CCDC180: variants seen among roughly 807,000 people sequenced by gnomAD.
The protein encoded by CCDC180 is coiled-coil domain containing 180.
In CCDC180, 154 loss-of-function variants were observed where a neutral mutation model predicts 209.2. The ratio of observed to expected loss-of-function variants is 0.74; its 90% CI spans 0.65 to 0.84. The LOEUF (loss-of-function observed/expected upper bound fraction) is 0.84, where lower values mean the gene tolerates loss of function less well. CCDC180 is among the 40% of genes least tolerant of loss of function. The probability of loss-of-function intolerance (pLI) is 0.00; values close to 1 mark genes in which losing one functional copy is unlikely to be tolerated. For missense variants in CCDC180, 1,874 were observed against 1,997.3 expected (o/e 0.94, Z 1.18); for synonymous variants, 778 against 749.1 (o/e 1.04, Z -0.63).
rs770613515 is a variant in CCDC180, at chr9:97,370,655, GA to G, written c.4367del (p.Lys1456SerfsTer4). ...TTTGATTAAAGGACAAAAATGCCCA[GA>G]AGCTCCATCTAAATCTTGGACACCC... Reference protein sequence around the residue: ...LEKRKDKNAQKLHLNLGHPVH... With the variant: ...LEKRKDKNAQXLHLNLGHPVH... On this transcript the variant is annotated frameshift_variant, in exon 33 of 37. Coordinates refer to ENST00000529487, the MANE Select transcript of CCDC180 (RefSeq NM_020893.6). LOFTEE classifies it high-confidence loss of function. The G allele has an allele frequency of 3.1e-6, 5 of 1,613,664 alleles. No homozygotes were observed. The Admixed American group carries it at 8.3e-5, about 27-fold the overall frequency.
intron 10 of CCDC180, among the ~76,000 whole-genome samples, chr9:97,319,577 G>C (rs1449081265): frequency 6.6e-6 from 1 of 152,132 alleles, no homozygotes. Flanking sequence ...AGAAGCTGTG[G>C]TATTTGGTTT....
chr9:97,366,627 C>T lies in CCDC180; in HGVS notation c.4116C>T (p.Cys1372=), dbSNP rs575555258. The T allele has an allele frequency of 6.9e-5, 111 of 1,614,154 alleles. No individual in the cohort carries two copies. Among genetic ancestry groups the T allele is most frequent in the South Asian group, 5.9e-4 (54 of 91,090 alleles). The change falls in exon 31 of 37, where the codon TGC becomes TGT. Residue 1372 remains cysteine, a synonymous_variant. Coordinates refer to ENST00000529487, the MANE Select transcript of CCDC180 (RefSeq NM_020893.6). The surrounding 1 kb of genome is among the most constrained non-coding windows in gnomAD (Gnocchi z 4.3). ...GCATGTGTGACACCTTTGACCAGTG[C>T]GCCGAGAACATTAGCAAAAAGATCC... The part of the protein sequence containing the change: ...PDCMCDTFDQ[C]AENISKKILE...
At chr9:97,343,296 C>A (rs1246483659) in intron 18 of CCDC180, 44 bp from the exon 19 acceptor site, 1 of 1,303,248 alleles carries the variant, frequency 7.7e-7, no homozygotes, top group South Asian at 1.2e-5. Flanking sequence ...TTCCCAAGTC[C>A]ATTTGATGAT....
chr9:97,370,846 A>G (rs1286960464), intron 33 of CCDC180, 68 bp downstream of exon 33: 3 of 1,539,092 alleles, frequency 1.9e-6, no homozygotes, highest in Non-Finnish European at 2.7e-6. Context: ...AGCCACTGAC[A>G]GTGCCAGGTG....
At chr9:97,314,249 T>TA (rs776404578) in intron 5 of CCDC180, 144 bp from the exon 6 acceptor site, 19 of 875,504 alleles carry the variant, frequency 2.2e-5, no homozygotes, top group Middle Eastern at 6.8e-4. Flanking sequence ...GTGAGCTGAG[T>TA]AGTGAGCCTC....
At chr9:97,334,826 A>G (rs1272547025) in intron 18 of CCDC180, among the ~76,000 whole-genome samples, 1 of 152,152 alleles carries the variant, frequency 6.6e-6, no homozygotes, top group Non-Finnish European at 1.5e-5. Context: ...CCACCAAGAA[A>G]GTTTCAAAGG....
rs553450844 is a variant in CCDC180, at chr9:97,326,188, G to T, written c.1546-366G>T. Among the ~76,000 whole-genome samples, 22 of 152,308 alleles carry T rather than the reference G, an allele frequency of 1.4e-4. No individual in the cohort carries two copies. The South Asian group carries it at 4.6e-3, about 32-fold the overall frequency. ...TGCTCTCACACAGTCCAGGAGGTGG[G>T]GGAACAAACTCAGCTTCTGATTTCA... On this transcript the variant is annotated intron_variant, in intron 14 of 36. Coordinates refer to ENST00000529487, the MANE Select transcript of CCDC180 (RefSeq NM_020893.6).
chr9:97,321,120 A>G (rs73559871), intron 11 of CCDC180, among the ~76,000 whole-genome samples: 1 of 152,158 alleles, frequency 6.6e-6, no homozygotes, highest in Non-Finnish European at 1.5e-5. Context: ...ATTTTGCCGA[A>G]CTGTAGGCTA....
chr9:97,371,696 C>T lies in CCDC180; in HGVS notation c.4590C>T (p.Val1530=). Residue 1530 remains valine, a synonymous_variant, in exon 34 of 37, where the codon GTC becomes GTT. Coordinates refer to ENST00000529487, the MANE Select transcript of CCDC180 (RefSeq NM_020893.6). ...ATGAGGTGGTCACCATTGACGATGT[C>T]CAGGTTGCAAGTAAGAGGCACCACC... is the stretch of plus-strand genomic sequence containing the variant. ...QLDEVVTIDD[V]QVARMEPPKQ... The T allele has an allele frequency of 1.9e-6, 3 of 1,591,640 alleles. No homozygotes were observed. The highest frequency in any genetic ancestry group is 1.7e-6 in the Non-Finnish European group (2 of 1,162,062).
At chr9:97,332,105 C>A (rs559028585) in intron 18 of CCDC180, among the ~76,000 whole-genome samples, 2 of 152,248 alleles carry the variant, frequency 1.3e-5, no homozygotes, top group Admixed American at 1.3e-4. Flanking sequence ...CAGTTTCAAT[C>A]TTCTGCATAT....
At chr9:97,342,998 A>G (rs182762705) in intron 18 of CCDC180, among the ~76,000 whole-genome samples, 1 of 152,358 alleles carries the variant, frequency 6.6e-6, no homozygotes, top group Admixed American at 6.5e-5. Flanking sequence ...GCCCACAGGT[A>G]TGTAATAGAA....
At chr9:97,315,291 T>C (rs1833130691) in intron 8 of CCDC180, among the ~76,000 whole-genome samples, 1 of 152,174 alleles carries the variant, frequency 6.6e-6, no homozygotes, top group Non-Finnish European at 1.5e-5. Context: ...CAATAGGCGC[T>C]ACACTATGGA....
At chr9:97,352,309 A>C (rs781027146) in intron 22 of CCDC180, among the ~76,000 whole-genome samples, 1 of 152,164 alleles carries the variant, frequency 6.6e-6, no homozygotes, top group Non-Finnish European at 1.5e-5. Context: ...ATTTTAGAGG[A>C]AGGGTAAATG....
At chr9:97,375,721 A>G (rs1827237368) in intron 36 of CCDC180, 132 bp downstream of exon 36, 3 of 1,070,242 alleles carry the variant, frequency 2.8e-6, no homozygotes, top group East Asian at 5.1e-5. Context: ...AGCACACCCC[A>G]GAGCTGCAGG....
intron 20 of CCDC180, among the ~76,000 whole-genome samples, chr9:97,348,223 C>T (rs1260563756): frequency 6.6e-6 from 1 of 152,114 alleles, no homozygotes; most frequent in Non-Finnish European, 1.5e-5. Context: ...TATCAGAGAG[C>T]CCCATCACTA....
At position 97,330,482 on chromosome 9, in the gene CCDC180, C is replaced by T; in HGVS notation, c.1989C>T (p.Ser663=). 1 of 1,614,108 alleles carries T rather than the reference C, an allele frequency of 6.2e-7. No individual in the cohort carries two copies. Among genetic ancestry groups the T allele is most frequent in the Non-Finnish European group, 8.5e-7 (1 of 1,180,030 alleles). The change falls in exon 18 of 37, where the codon TCC becomes TCT. Residue 663 remains serine (S), a synonymous_variant. Coordinates refer to ENST00000529487, the MANE Select transcript of CCDC180 (RefSeq NM_020893.6). ...VEEENDQEME[S]FITEEVLGQQ... is the part of the protein sequence containing the mutation. ...AAGAAAACGATCAAGAAATGGAGTC[C>T]TTCATAACTGAAGAGGTGCTGGGGC... is the stretch of plus-strand genomic sequence containing the variant.
At chr9:97,375,339 T>C in intron 35 of CCDC180, 115 bp from the exon 36 acceptor site, 3 of 1,377,350 alleles carry the variant, frequency 2.2e-6, no homozygotes, top group Non-Finnish European at 2.0e-6. Flanking sequence ...CATTAAGATA[T>C]TTAAAGCCAT....
intron 25 of CCDC180, among the ~76,000 whole-genome samples, chr9:97,358,364 C>T (rs1351069133): frequency 1.3e-5 from 2 of 152,064 alleles, no homozygotes; most frequent in Non-Finnish European, 2.9e-5. Flanking sequence ...TCAAGTGACC[C>T]GCCCACATCA....
intron 18 of CCDC180, among the ~76,000 whole-genome samples, chr9:97,332,473 T>A (rs1484989103): frequency 6.6e-6 from 1 of 152,218 alleles, no homozygotes; most frequent in East Asian, 1.9e-4. Context: ...ATGGCCATTT[T>A]AAAGATATTG....
Sources: gnomAD v4.1 joint callset for allele counts (sites outside exome capture counted in the v4.1 genomes callset) on GRCh38, gnomAD v4.1.1 for gene constraint, Gnocchi (gnomAD v3.1) non-coding constraint, MANE v1.5 for transcripts, NCBI Gene and HGNC (gene_info 2026-07-23, HGNC 2026-07-21) for gene names.